The following CDH18 variants were observed in gnomAD, a reference collection of about 807,000 sequenced individuals.
CDH18 encodes the protein cadherin-18.
CDH18 carries 31 observed loss-of-function variants against 67.9 expected under a neutral mutation model. The ratio of observed to expected loss-of-function variants is 0.46; its 90% CI spans 0.34 to 0.62. The LOEUF is 0.62. Among genes scored for constraint, CDH18 ranks in the 20% least tolerant of loss-of-function variants. The probability of loss-of-function intolerance (pLI) is 0.01; values close to 1 mark genes in which losing one functional copy is unlikely to be tolerated. For missense variants in CDH18, 890 were observed against 975.5 expected (o/e 0.91, Z 1.17); for synonymous variants, 362 against 347.2 (o/e 1.04, Z -0.48).
intron 1 of CDH18, among the ~76,000 whole-genome samples, chr5:20,295,932 C>T (rs193234336): frequency 4.0e-4 from 53 of 132,594 alleles, no homozygotes; most frequent in African/African-American, 1.1e-3. Context: ...AGTGCAGTGG[C>T]GCAATCTCGG....
At chr5:19,895,081 T>C (rs1210585320) in intron 2 of CDH18, among the ~76,000 whole-genome samples, 1 of 152,148 alleles carries the variant, frequency 6.6e-6, no homozygotes, top group Non-Finnish European at 1.5e-5. Flanking sequence ...ATGTAGTAGA[T>C]ATTTTGGCCT....
intron 3 of CDH18, among the ~76,000 whole-genome samples, chr5:19,810,786 T>G (rs1322433117): frequency 6.6e-6 from 1 of 151,934 alleles, no homozygotes; most frequent in Non-Finnish European, 1.5e-5. Flanking sequence ...ACTTTGAGAC[T>G]CTGAGGCTGT....
rs548483362 is a variant in CDH18, at chr5:20,492,010, G to T, written c.-580+83452C>A. 3.3e-5 allele frequency among the ~76,000 whole-genome samples: 5 copies of T among 151,790 alleles called. No individual in the cohort carries two copies. In the South Asian group the frequency reaches 8.3e-4, roughly 25 times the overall value. ...TTTTATTCAATATAATACAGGATTT[G>T]TGTATTATTTTCATCTTACTTACAG... On this transcript the variant is annotated intron_variant, in intron 1 of 14. Transcript: ENST00000507958.
chr5:19,656,419 A>G (rs1323109771), intron 5 of CDH18, among the ~76,000 whole-genome samples: 1 of 152,042 alleles, frequency 6.6e-6, no homozygotes, highest in African/African-American at 2.4e-5. Context: ...TAAAACTACC[A>G]TAGGTGGATT....
At chr5:20,429,629 A>AT (rs1305860912) in intron 1 of CDH18, among the ~76,000 whole-genome samples, 2 of 152,172 alleles carry the variant, frequency 1.3e-5, no homozygotes, top group African/African-American at 4.8e-5. Context: ...AAGATTGTAT[A>AT]TTTTTCTAAC....
At chr5:20,247,167 C>A (rs1260862093) in intron 2 of CDH18, among the ~76,000 whole-genome samples, 2 of 152,154 alleles carry the variant, frequency 1.3e-5, no homozygotes, top group Non-Finnish European at 1.5e-5. Flanking sequence ...AATAAAGATG[C>A]TGTTCCTTCC....
At position 20,563,615 on chromosome 5, in the gene CDH18, G is replaced by A. The variant is rs182096728; in HGVS notation, c.-580+11847C>T. Among the ~76,000 whole-genome samples the A allele has an allele frequency of 2.2e-4, 33 of 152,198 alleles. No individual in the cohort carries two copies. In the East Asian group the frequency reaches 6.2e-3, roughly 29 times the overall value. On this transcript the variant is annotated intron_variant, in intron 1 of 14. Transcript: ENST00000507958. The stretch of plus-strand genomic sequence containing the variant: ...TACAAGGTGCAGGTTTGTTACATAT[G>A]TATACGTTTTAAATTGGTGTTCATG...
intron 2 of CDH18, among the ~76,000 whole-genome samples, chr5:19,996,808 A>T (rs1194039744): frequency 6.6e-6 from 1 of 152,022 alleles, no homozygotes; most frequent in African/African-American, 2.4e-5. Flanking sequence ...TACACTAGAA[A>T]ATTCTGAAAT....
chr5:20,131,277 A>G (rs1749248863), intron 2 of CDH18, among the ~76,000 whole-genome samples: 1 of 152,168 alleles, frequency 6.6e-6, no homozygotes. Context: ...AATATACTCA[A>G]TGTAAAAATA....
At chr5:20,106,520 T>A (rs1746952947) in intron 2 of CDH18, among the ~76,000 whole-genome samples, 1 of 152,210 alleles carries the variant, frequency 6.6e-6, no homozygotes, top group Non-Finnish European at 1.5e-5. Flanking sequence ...TTTGAAGGAT[T>A]CCACACACTT....
At chr5:20,342,865 A>G (rs1740388655) in intron 1 of CDH18, among the ~76,000 whole-genome samples, 1 of 152,154 alleles carries the variant, frequency 6.6e-6, no homozygotes. Flanking sequence ...AAGGGATTCA[A>G]AGGCTTAGAG....
chr5:20,561,998 A>C (rs1758245335), intron 1 of CDH18, among the ~76,000 whole-genome samples: 1 of 151,952 alleles, frequency 6.6e-6, no homozygotes, highest in Admixed American at 6.6e-5. Flanking sequence ...CAAATAGGCT[A>C]TTATGAACAA....
intron 2 of CDH18, among the ~76,000 whole-genome samples, chr5:20,223,131 C>T (rs1056576573): frequency 6.6e-6 from 1 of 152,090 alleles, no homozygotes; most frequent in African/African-American, 2.4e-5. Flanking sequence ...CCCGTGAAAG[C>T]AGCCAGGAGG....
chr5:19,832,974 T>C (rs573161295), intron 3 of CDH18, among the ~76,000 whole-genome samples: 2 of 152,290 alleles, frequency 1.3e-5, no homozygotes, highest in South Asian at 2.1e-4. Context: ...TCTAGCTTTG[T>C]TCTTTTTGCT....
chr5:20,208,666 T>C (rs78609603), intron 2 of CDH18, among the ~76,000 whole-genome samples: 7 of 15,554 alleles, frequency 4.5e-4, no homozygotes, highest in Non-Finnish European at 7.5e-4. Context: ...CTGAGCAAAG[T>C]TTTTTTTGTG....
At chr5:19,910,987 G>A (rs750387828) in intron 2 of CDH18, among the ~76,000 whole-genome samples, 29 of 152,142 alleles carry the variant, frequency 1.9e-4, no homozygotes, top group Non-Finnish European at 2.9e-5. Context: ...TACCTACTGA[G>A]TAAGCAGACT....
chr5:19,994,242 C>CATAT (rs1800143128), intron 2 of CDH18, among the ~76,000 whole-genome samples: 2 of 139,106 alleles, frequency 1.4e-5, no homozygotes, highest in South Asian at 2.2e-4. Flanking sequence ...TATATACACA[C>CATAT]ACATATACAC....
At chr5:19,495,048 T>G (rs1742059596) in intron 11 of CDH18, among the ~76,000 whole-genome samples, 1 of 152,146 alleles carries the variant, frequency 6.6e-6, no homozygotes, top group Non-Finnish European at 1.5e-5. Context: ...GAAGAATTCT[T>G]TGGGAAGGAT....
intron 2 of CDH18, among the ~76,000 whole-genome samples, chr5:20,220,703 G>A (rs1215128981): frequency 2.0e-5 from 3 of 151,772 alleles, no homozygotes; most frequent in African/African-American, 7.3e-5. Context: ...CAGAATGGGG[G>A]AAAATATTTG....
Sources: gnomAD v4.1 joint callset for allele counts (sites outside exome capture counted in the v4.1 genomes callset) on GRCh38, gnomAD v4.1.1 for gene constraint, MANE v1.5 for transcripts, NCBI Gene and HGNC (gene_info 2026-07-23, HGNC 2026-07-21) for gene names.